SENP6: variants seen among roughly 807,000 people sequenced by gnomAD.
SENP6 encodes sentrin-specific protease 6.
In SENP6, 41 loss-of-function variants were observed where a neutral mutation model predicts 134.5. The observed-to-expected ratio is 0.30, with a 90% CI of 0.24 to 0.40. The LOEUF (loss-of-function observed/expected upper bound fraction) is 0.40, where lower values mean the gene tolerates loss of function less well. SENP6 is among the 10% of genes least tolerant of loss of function. The pLI is 1.00. For missense variants in SENP6, 1,248 were observed against 1,312.5 expected (o/e 0.95, Z 0.76); for synonymous variants, 395 against 429.8 (o/e 0.92, Z 1.00).
chr6:75,691,926 G>A (rs1046086051), intron 16 of SENP6, among the ~76,000 whole-genome samples: 3 of 151,320 alleles, frequency 2.0e-5, no homozygotes, highest in Admixed American at 6.6e-5. Flanking sequence ...GCACAATCTC[G>A]GCTTACTGCA....
At chr6:75,704,263 T>G (rs976788281) in intron 19 of SENP6, among the ~76,000 whole-genome samples, 61 of 152,312 alleles carry the variant, frequency 4.0e-4, no homozygotes, top group African/African-American at 1.2e-3. Context: ...TTTGGTTGAT[T>G]ACTATTTTCA....
intron 1 of SENP6, among the ~76,000 whole-genome samples, chr6:75,615,938 T>G (rs117471326): frequency 0.031 from 4,687 of 152,314 alleles, 83 homozygotes; most frequent in Non-Finnish European, 0.047. Context: ...ACTTGTGCCC[T>G]CATAGACATT....
intron 9 of SENP6, 94 bp from the exon 10 acceptor site, chr6:75,666,618 T>C (rs1023457589): frequency 2.2e-5 from 13 of 586,484 alleles, no homozygotes; most frequent in African/African-American, 3.9e-5. Flanking sequence ...TTTTCCACTT[T>C]GGTAATTTAT....
intron 19 of SENP6, among the ~76,000 whole-genome samples, chr6:75,703,429 T>A (rs1419752191): frequency 1.3e-5 from 2 of 152,166 alleles, no homozygotes; most frequent in Non-Finnish European, 2.9e-5. Flanking sequence ...CTTTGATAAA[T>A]GTATACATAG....
rs537149106 is a variant in SENP6 at position 75,661,697 on chromosome 6, G to C, written c.697-1524G>C. ...CTTTAATTCCTAGACAAGGTTAGTGGTTTTTTCTTTCCATGTATAGTCTCT... is the reference window on the plus strand; with the variant it reads ...CTTTAATTCCTAGACAAGGTTAGTGCTTTTTTCTTTCCATGTATAGTCTCT... On this transcript the variant is annotated intron_variant, in intron 8 of 23. Transcript: ENST00000447266. 1.5e-3 allele frequency among the ~76,000 whole-genome samples: 223 copies of C among 152,262 alleles called. 1 individual carries two copies. Among genetic ancestry groups the C allele is most frequent in the Middle Eastern group, 3.4e-3 (1 of 294 alleles).
At position 75,602,267 on chromosome 6, in the gene SENP6, C is replaced by G. The variant is rs1037751776; in HGVS notation, c.-258C>G. 7 of 378,134 alleles carry G rather than the reference C, an allele frequency of 1.9e-5. No homozygotes were observed. Among genetic ancestry groups the G allele is most frequent in the Non-Finnish European group, 3.3e-5 (7 of 212,966 alleles). 23.4% of individuals were successfully genotyped at this position (378,134 alleles called of 1,614,324 possible). ...CGGGAAGCGCCGTCGTCGTCGTCGC[C>G]GGTCGCGTTCCCCCGGAGAGGCCTG... On this transcript the variant is annotated 5_prime_UTR_variant, in exon 1 of 24. Coordinates refer to ENST00000447266, the MANE Select transcript of SENP6 (RefSeq NM_015571.4).
chr6:75,663,206 G>A lies in SENP6; in HGVS notation c.697-15G>A, dbSNP rs759318442. On this transcript the variant is annotated splice_polypyrimidine_tract_variant and intron_variant, in intron 8 of 23. Coordinates refer to ENST00000447266, the MANE Select transcript of SENP6 (RefSeq NM_015571.4). ...TCAGACCAAATGCCAAAGTTGTGGTGTTCTTTTTTCTAAGGATTTGCAAAG... is the reference window on the plus strand; with the variant it reads ...TCAGACCAAATGCCAAAGTTGTGGTATTCTTTTTTCTAAGGATTTGCAAAG... The A allele has an allele frequency of 6.2e-7, 1 of 1,605,202 alleles. No individual in the cohort carries two copies. The highest frequency in any genetic ancestry group is 1.7e-5 in the Admixed American group (1 of 57,748).
chr6:75,633,524 T>G, intron 3 of SENP6, 57 bp from the exon 4 acceptor site: 1 of 1,418,572 alleles, frequency 7.0e-7, no homozygotes, highest in South Asian at 1.4e-5. Context: ...AAATAGTTGT[T>G]GATAGATTGT....
Position 75,663,529 on chromosome 6 carries a change from T to C in SENP6, c.994+11T>C. 2 of 1,592,904 alleles carry C rather than the reference T, an allele frequency of 1.3e-6. No individual in the cohort carries two copies. Among genetic ancestry groups the C allele is most frequent in the Non-Finnish European group, 1.7e-6 (2 of 1,171,540 alleles). Reference sequence around the variant, plus strand: ...ACCTAAATGATCCAAGTAAGTATTTTACTCCCTTTAATATTGCTTATATCA... The same window carrying C: ...ACCTAAATGATCCAAGTAAGTATTTCACTCCCTTTAATATTGCTTATATCA... On this transcript the variant is annotated intron_variant, in intron 9 of 23. Coordinates refer to ENST00000447266, the MANE Select transcript of SENP6 (RefSeq NM_015571.4).
chr6:75,662,719 T>C (rs1582799867), intron 8 of SENP6, among the ~76,000 whole-genome samples: 1 of 152,346 alleles, frequency 6.6e-6, no homozygotes, highest in Non-Finnish European at 1.5e-5. Context: ...TCTGTTCATA[T>C]TTTAATATTG....
chr6:75,604,946 G>A (rs1003505394), intron 1 of SENP6, among the ~76,000 whole-genome samples: 13 of 152,026 alleles, frequency 8.6e-5, no homozygotes, highest in Non-Finnish European at 1.3e-4. Context: ...GGTGGCGCGC[G>A]CCTGTAATCC....
chr6:75,704,295 C>T (rs1324353230), intron 19 of SENP6, among the ~76,000 whole-genome samples: 2 of 151,990 alleles, frequency 1.3e-5, no homozygotes, highest in Non-Finnish European at 2.9e-5. Flanking sequence ...AGAGGAATGC[C>T]GTAGGAGAGC....
chr6:75,705,961 G>A (rs2842568), intron 19 of SENP6, among the ~76,000 whole-genome samples: 7,615 of 67,480 alleles, frequency 0.11, 633 homozygotes, highest in African/African-American at 0.25. Flanking sequence ...TTTTGAGATG[G>A]AGTCTCTCTT....
chr6:75,675,384 C>G (rs752866706), intron 11 of SENP6, 51 bp from the exon 12 acceptor site: 1 of 1,040,562 alleles, frequency 9.6e-7, no homozygotes, highest in Non-Finnish European at 1.4e-6. Context: ...AAAAGTGAAG[C>G]CTGCCTTTCT....
At chr6:75,703,141 T>A in intron 19 of SENP6, 69 bp downstream of exon 19, 2 of 1,252,174 alleles carry the variant, frequency 1.6e-6, no homozygotes, top group Non-Finnish European at 2.2e-6. Flanking sequence ...TAAACAGGAT[T>A]AAGATCCTGT....
intron 7 of SENP6, among the ~76,000 whole-genome samples, chr6:75,650,186 TC>T (rs1770762417): frequency 6.6e-6 from 1 of 152,182 alleles, no homozygotes; most frequent in Non-Finnish European, 1.5e-5. Flanking sequence ...GGGCAAGACT[TC>T]CACAGAAATG....
intron 19 of SENP6, among the ~76,000 whole-genome samples, chr6:75,704,637 CCTT>C (rs1231743501): frequency 6.6e-6 from 1 of 152,214 alleles, no homozygotes; most frequent in East Asian, 1.9e-4. Flanking sequence ...TTTCACTAAT[CCTT>C]CTCAGCACAG....
chr6:75,612,730 G>A (rs1041391763), intron 1 of SENP6, among the ~76,000 whole-genome samples: 1 of 152,190 alleles, frequency 6.6e-6, no homozygotes, highest in Non-Finnish European at 1.5e-5. Context: ...TTGGAGATCA[G>A]TTTGGCAATA....
intron 1 of SENP6, among the ~76,000 whole-genome samples, chr6:75,613,952 T>A (rs535820460): frequency 1.6e-4 from 24 of 152,364 alleles, no homozygotes; most frequent in African/African-American, 5.3e-4. Context: ...TATGTCCCAT[T>A]TGTCTTCTTT....
Sources: gnomAD v4.1 joint callset for allele counts (sites outside exome capture counted in the v4.1 genomes callset) on GRCh38, gnomAD v4.1.1 for gene constraint, MANE v1.5 for transcripts, NCBI Gene and HGNC (gene_info 2026-07-23, HGNC 2026-07-21) for gene names.